The following FBXW10B variants were observed in gnomAD, a reference collection of about 807,000 sequenced individuals.
FBXW10B encodes the protein F-box and WD repeat domain containing protein 10B.
chr17:15,617,357 C>T, the FBXW10B span, among the ~76,000 whole-genome samples: 378 of 152,246 alleles, frequency 2.5e-3, no homozygotes, highest in African/African-American at 7.9e-3. Flanking sequence ...AACTCCAAAA[C>T]GCCTCCATGT....
At chr17:15,602,753 G>C in the FBXW10B span, among the ~76,000 whole-genome samples, 2 of 114,614 alleles carry the variant, frequency 1.7e-5, no homozygotes, top group Non-Finnish European at 3.3e-5. Flanking sequence ...TCAGCCTCCC[G>C]AGTAGCTGGG....
chr17:15,584,968 C>CTTTTTT, the FBXW10B span, among the ~76,000 whole-genome samples: 24 of 125,886 alleles, frequency 1.9e-4, no homozygotes, highest in East Asian at 6.9e-4. Flanking sequence ...CCTTCTTCTT[C>CTTTTTT]TTTTTTTTTT....
chr17:15,601,357 T>A, the FBXW10B span, among the ~76,000 whole-genome samples: 1 of 133,868 alleles, frequency 7.5e-6, no homozygotes, highest in Non-Finnish European at 1.5e-5. Flanking sequence ...GGCAGTGAGC[T>A]GAGATCGCAC....
chr17:15,586,869 G>A, the FBXW10B span, among the ~76,000 whole-genome samples: 1 of 151,560 alleles, frequency 6.6e-6, no homozygotes, highest in African/African-American at 2.4e-5. Flanking sequence ...AAACAAAAGT[G>A]GAGGGTTTAT....
At chr17:15,614,649 G>A in the FBXW10B span, among the ~76,000 whole-genome samples, 17 of 152,188 alleles carry the variant, frequency 1.1e-4, no homozygotes, top group African/African-American at 4.1e-4. Flanking sequence ...AAGAAAGGGG[G>A]GAAAATGAAT....
the FBXW10B span, chr17:15,605,591 G>A: frequency 1.1e-6 from 1 of 913,690 alleles, no homozygotes; most frequent in Non-Finnish European, 1.3e-6. Context: ...GGCTCTGAGG[G>A]ATCCCCACTC....
the FBXW10B span, among the ~76,000 whole-genome samples, chr17:15,602,688 G>A: frequency 9.6e-6 from 1 of 104,700 alleles, no homozygotes; most frequent in Non-Finnish European, 1.8e-5. Flanking sequence ...GTGCAGTGGC[G>A]CAATCTCGGC....
At chr17:15,615,287 C>A in the FBXW10B span, among the ~76,000 whole-genome samples, 1 of 145,910 alleles carries the variant, frequency 6.9e-6, no homozygotes, top group Non-Finnish European at 1.5e-5. Context: ...TCCACTGGGT[C>A]TTCCCAATCT....
chr17:15,594,835 A>T, the FBXW10B span: 1 of 1,613,958 alleles, frequency 6.2e-7, no homozygotes, highest in Non-Finnish European at 8.5e-7. Flanking sequence ...TCCTGAGAGG[A>T]GATGCCACTG....
the FBXW10B span, chr17:15,614,081 A>G: frequency 2.0e-6 from 3 of 1,534,978 alleles, no homozygotes; most frequent in Non-Finnish European, 2.7e-6. Flanking sequence ...GCTCTGTAGA[A>G]ACTCCAGGCC....
the FBXW10B span, among the ~76,000 whole-genome samples, chr17:15,587,100 C>G: frequency 2.6e-5 from 4 of 151,526 alleles, no homozygotes; most frequent in African/African-American, 9.8e-5. Context: ...GTTAAACCAT[C>G]CCCTTGAAAT....
At chr17:15,571,210 C>T in the FBXW10B span, among the ~76,000 whole-genome samples, 2 of 151,720 alleles carry the variant, frequency 1.3e-5, no homozygotes, top group Non-Finnish European at 1.5e-5. Flanking sequence ...TTAGGTATGG[C>T]AGCATGTGCC....
At chr17:15,612,387 T>G in the FBXW10B span, among the ~76,000 whole-genome samples, 7 of 151,070 alleles carry the variant, frequency 4.6e-5, no homozygotes, top group African/African-American at 1.5e-4. Flanking sequence ...GGTGGCGGGC[T>G]CCTGTAGTCC....
chr17:15,598,863 T>C, the FBXW10B span: 47 of 954,046 alleles, frequency 4.9e-5, no homozygotes, highest in South Asian at 7.4e-5. Flanking sequence ...CCTTTCCTCA[T>C]TGATAAAATG....
chr17:15,571,267 C>T, the FBXW10B span, among the ~76,000 whole-genome samples: 1 of 151,758 alleles, frequency 6.6e-6, no homozygotes, highest in Admixed American at 6.6e-5. Context: ...ATCACTTGAG[C>T]CCAGGAAGCA....
At chr17:15,600,165 G>A in the FBXW10B span, among the ~76,000 whole-genome samples, 675 of 151,126 alleles carry the variant, frequency 4.5e-3, 5 homozygotes, top group African/African-American at 0.016. Flanking sequence ...GCAGTGAGCC[G>A]AGATGGCGCC....
the FBXW10B span, among the ~76,000 whole-genome samples, chr17:15,615,008 G>C: frequency 1.3e-5 from 2 of 152,168 alleles, no homozygotes; most frequent in East Asian, 3.9e-4. Context: ...TTGTGGCCCA[G>C]AGCAGAGAAA....
chr17:15,594,942 A>G, the FBXW10B span: 4 of 1,606,838 alleles, frequency 2.5e-6, no homozygotes, highest in South Asian at 4.4e-5. Context: ...TCCTCCAAGA[A>G]CCAAAGCTGA....
the FBXW10B span, among the ~76,000 whole-genome samples, chr17:15,591,351 G>A: frequency 2.0e-5 from 3 of 152,162 alleles, no homozygotes; most frequent in Non-Finnish European, 4.4e-5. Context: ...GTGCAGTGGT[G>A]CGATCTCGGC....
Sources: allele counts gnomAD v4.1 joint callset (sites outside exome capture counted in the v4.1 genomes callset), GRCh38; gene constraint gnomAD v4.1.1; transcripts MANE v1.5; gene names NCBI Gene and HGNC (gene_info 2026-07-23, HGNC 2026-07-21).